The following PDE1C variants were observed in gnomAD, a reference collection of about 807,000 sequenced individuals.
The protein encoded by PDE1C is dual specificity calcium/calmodulin-dependent 3',5'-cyclic nucleotide phosphodiesterase 1C.
PDE1C carries 62 observed loss-of-function variants against 93.1 expected under a neutral mutation model. The ratio of observed to expected loss-of-function variants is 0.67; its 90% CI spans 0.54 to 0.82. PDE1C has a LOEUF of 0.82. Among genes scored for constraint, PDE1C ranks in the 40% least tolerant of loss-of-function variants. The pLI, the probability that PDE1C is intolerant of heterozygous loss-of-function variation, is 0.00. For missense variants in PDE1C, 742 were observed against 884.6 expected, an observed-to-expected ratio of 0.84 and a Z score of 2.04; for synonymous variants, 325 against 310.1, an observed-to-expected ratio of 1.05 and a Z score of -0.50.
chr7:32,304,593 C>T (rs879816679), intron 1 of PDE1C, among the ~76,000 whole-genome samples: 2 of 151,714 alleles, frequency 1.3e-5, no homozygotes, highest in Admixed American at 6.6e-5. Flanking sequence ...CTTTTTGTTT[C>T]CTCAAAACAC....
At chr7:31,966,794 G>A (rs543514633) in intron 2 of PDE1C, among the ~76,000 whole-genome samples, 4 of 152,236 alleles carry the variant, frequency 2.6e-5, no homozygotes, top group South Asian at 4.1e-4. Context: ...TAGAACTCAG[G>A]ATTAAGAAAC....
intron 3 of PDE1C, among the ~76,000 whole-genome samples, chr7:32,091,680 G>A (rs968360343): frequency 1.3e-5 from 2 of 152,168 alleles, no homozygotes; most frequent in African/African-American, 4.8e-5. Flanking sequence ...AAATGACGCT[G>A]GAGAGAAAAT....
At chr7:32,368,437 A>G (rs2128087001) in intron 1 of PDE1C, among the ~76,000 whole-genome samples, 1 of 152,306 alleles carries the variant, frequency 6.6e-6, no homozygotes, top group East Asian at 1.9e-4. Flanking sequence ...GTCTGGGAAT[A>G]AGGAACCAAG....
At chr7:32,258,138 TAAG>T (rs1433844541) in intron 1 of PDE1C, among the ~76,000 whole-genome samples, 1 of 152,226 alleles carries the variant, frequency 6.6e-6, no homozygotes, top group African/African-American at 2.4e-5. Flanking sequence ...GTTTCTGCTC[TAAG>T]AAGGACACTG....
chr7:32,171,170 C>T (rs999609964), intron 2 of PDE1C, among the ~76,000 whole-genome samples: 4 of 152,298 alleles, frequency 2.6e-5, no homozygotes, highest in African/African-American at 7.2e-5. Flanking sequence ...TTTACAATGG[C>T]ATTTGTCTCC....
chr7:32,038,525 T>C (rs978628240), intron 2 of PDE1C, among the ~76,000 whole-genome samples: 1 of 152,162 alleles, frequency 6.6e-6, no homozygotes, highest in Non-Finnish European at 1.5e-5. Flanking sequence ...TTGAATTAGG[T>C]ACCATTAGTA....
intron 2 of PDE1C, among the ~76,000 whole-genome samples, chr7:31,882,348 T>C (rs555103006): frequency 1.3e-5 from 2 of 151,498 alleles, no homozygotes; most frequent in Non-Finnish European, 2.9e-5. Context: ...AGACAGGGAG[T>C]TGGCAGGGAA....
chr7:31,651,178 T>C, the PDE1C span: 1 of 1,613,618 alleles, frequency 6.2e-7, no homozygotes, highest in Non-Finnish European at 8.5e-7. Context: ...GAAGACGATA[T>C]GCCAAAGTTT....
chr7:32,312,156 T>C (rs1408046199), intron 1 of PDE1C, among the ~76,000 whole-genome samples: 1 of 152,048 alleles, frequency 6.6e-6, no homozygotes, highest in African/African-American at 2.4e-5. Context: ...CCATTTACAA[T>C]TGCTTCAAAG....
the PDE1C span, among the ~76,000 whole-genome samples, chr7:31,734,300 G>C: frequency 6.6e-6 from 1 of 152,044 alleles, no homozygotes; most frequent in Non-Finnish European, 1.5e-5. Context: ...CGGCTCTAGG[G>C]CCCCCCTCTT....
chr7:31,630,622 A>T, the PDE1C span, among the ~76,000 whole-genome samples: 5 of 152,204 alleles, frequency 3.3e-5, no homozygotes, highest in Non-Finnish European at 7.4e-5. Context: ...CGAGTATGTC[A>T]CATATTTACC....
the PDE1C span, among the ~76,000 whole-genome samples, chr7:31,650,344 T>C: frequency 6.6e-6 from 1 of 152,164 alleles, no homozygotes; most frequent in African/African-American, 2.4e-5. Context: ...GACACAGCCT[T>C]GTGCTGCTGG....
chr7:31,828,504 G>A, intron 11 of PDE1C, 131 bp from the exon 12 acceptor site: 2 of 602,842 alleles, frequency 3.3e-6, no homozygotes, highest in Middle Eastern at 6.6e-4. Context: ...TATAAAATAA[G>A]TCTTTATGGA....
the PDE1C span, among the ~76,000 whole-genome samples, chr7:31,743,609 A>G: frequency 6.6e-6 from 1 of 152,004 alleles, no homozygotes; most frequent in African/African-American, 2.4e-5. Flanking sequence ...TCTGTTCTGC[A>G]AAAAAGTAAA....
At chr7:31,787,855 C>A (rs1476745998) in intron 16 of PDE1C, 1 of 152,184 alleles carries the variant, frequency 6.6e-6, no homozygotes, top group South Asian at 2.1e-4. Context: ...AATGTTTTAT[C>A]AGCTCCAGTA....
upstream of PDE1C, chr7:32,299,340 C>T: frequency 1.0e-6 from 1 of 985,764 alleles, no homozygotes; most frequent in African/African-American, 1.7e-5. Flanking sequence ...GGGAAAATCG[C>T]CACGCCCACT....
At chr7:31,741,012 T>C in the PDE1C span, among the ~76,000 whole-genome samples, 1 of 151,072 alleles carries the variant, frequency 6.6e-6, no homozygotes, top group Non-Finnish European at 1.5e-5. Flanking sequence ...GAGGCTGCAG[T>C]GATCATGCCA....
intron 2 of PDE1C, chr7:32,209,386 T>C: frequency 1.0e-6 from 1 of 962,736 alleles, no homozygotes; most frequent in South Asian, 1.6e-5. Context: ...TACTATTTTA[T>C]TAACACCTGA....
chr7:31,863,986 A>C (rs1018069268), intron 7 of PDE1C, among the ~76,000 whole-genome samples: 2 of 152,216 alleles, frequency 1.3e-5, no homozygotes, highest in African/African-American at 4.8e-5. Context: ...AGGAAAAGAT[A>C]ACAAATGTGC....
Sources: allele counts gnomAD v4.1 joint callset (sites outside exome capture counted in the v4.1 genomes callset), GRCh38; gene constraint gnomAD v4.1.1; transcripts MANE v1.5; gene names NCBI Gene and HGNC (gene_info 2026-07-23, HGNC 2026-07-21).